The following GPBP1 variants were observed in gnomAD, a reference collection of about 807,000 sequenced individuals.
The protein encoded by GPBP1 is vasculin.
GPBP1 carries 13 observed loss-of-function variants against 56.5 expected under a neutral mutation model. The observed-to-expected ratio is 0.23, with a 90% CI of 0.15 to 0.37. GPBP1 has a LOEUF of 0.37. Among genes scored for constraint, GPBP1 ranks in the 10% least tolerant of loss-of-function variants. The probability of loss-of-function intolerance (pLI) is 1.00; values close to 1 mark genes in which losing one functional copy is unlikely to be tolerated. For synonymous variants in GPBP1, 204 were observed against 188.9 expected (o/e 1.08, Z -0.66); for missense variants, 477 against 572.3 (o/e 0.83, Z 1.70).
intron 3 of GPBP1, among the ~76,000 whole-genome samples, chr5:57,225,102 A>G (rs777413302): frequency 2.6e-5 from 4 of 152,182 alleles, no homozygotes; most frequent in Non-Finnish European, 5.9e-5. Context: ...AAAGACTGAC[A>G]TATAGCCAGC....
intron 2 of GPBP1, among the ~76,000 whole-genome samples, chr5:57,186,072 T>C (rs1754273368): frequency 6.6e-6 from 1 of 152,204 alleles, no homozygotes; most frequent in African/African-American, 2.4e-5. Flanking sequence ...TTCATTTTCT[T>C]GATACAGTGT....
intron 2 of GPBP1, among the ~76,000 whole-genome samples, chr5:57,196,119 T>C (rs1001976836): frequency 1.3e-5 from 2 of 152,074 alleles, no homozygotes; most frequent in African/African-American, 4.8e-5. Flanking sequence ...CAGTGTTTTC[T>C]ATCTCTGCCT....
chr5:57,223,978 C>T (rs935493438), intron 3 of GPBP1, among the ~76,000 whole-genome samples: 4 of 151,536 alleles, frequency 2.6e-5, no homozygotes, highest in South Asian at 2.1e-4. Context: ...GGACTATAGG[C>T]GCCCGCCACC....
chr5:57,241,422 T>C (rs1310509582), intron 6 of GPBP1, among the ~76,000 whole-genome samples: 1 of 152,136 alleles, frequency 6.6e-6, no homozygotes, highest in East Asian at 1.9e-4. Flanking sequence ...AAGTGATATT[T>C]AATATTTAAA....
chr5:57,177,292 T>C (rs1162352110), intron 2 of GPBP1, among the ~76,000 whole-genome samples: 2 of 152,182 alleles, frequency 1.3e-5, no homozygotes, highest in South Asian at 2.1e-4. Flanking sequence ...TTACCGTTAG[T>C]TACTACATTT....
At chr5:57,187,004 GT>G (rs1754318123) in intron 2 of GPBP1, among the ~76,000 whole-genome samples, 3 of 17,670 alleles carry the variant, frequency 1.7e-4, no homozygotes, top group Admixed American at 1.7e-3. Flanking sequence ...ACTCAGAGAA[GT>G]GTGTGTGTGT....
intron 3 of GPBP1, among the ~76,000 whole-genome samples, chr5:57,217,264 C>G (rs1484948789): frequency 6.6e-6 from 1 of 152,084 alleles, no homozygotes; most frequent in East Asian, 1.9e-4. Context: ...CCAGCATGAT[C>G]TAGTGTGTAA....
intron 10 of GPBP1, among the ~76,000 whole-genome samples, chr5:57,259,239 A>G (rs993789199): frequency 2.6e-5 from 4 of 152,252 alleles, no homozygotes; most frequent in Non-Finnish European, 4.4e-5. Flanking sequence ...CCATCAAGTA[A>G]GCAAGTTATT....
intron 1 of GPBP1, among the ~76,000 whole-genome samples, chr5:57,174,449 G>A (rs1222901523): frequency 1.3e-5 from 2 of 152,038 alleles, no homozygotes; most frequent in African/African-American, 2.4e-5. Flanking sequence ...GGGGTGGGTG[G>A]TTTAGCCCCG....
At chr5:57,237,029 G>C in intron 6 of GPBP1, 1 of 632,424 alleles carries the variant, frequency 1.6e-6, no homozygotes, top group Non-Finnish European at 2.6e-6. Context: ...TGGGGGTGGG[G>C]GTGGTCAGAC....
Position 57,235,978 on chromosome 5 carries a change from C to G in GPBP1, c.424C>G (p.Pro142Ala), listed in dbSNP as rs1199453013. 6.2e-7 allele frequency: 1 copy of G among 1,609,760 alleles called. No individual in the cohort carries two copies. The highest frequency in any genetic ancestry group is 8.5e-7 in the Non-Finnish European group (1 of 1,176,752). ...AACTTTCTTCCAGCCGTCTTTAAAT[C>G]CTGAGTATGAGAGAGAACCAAATCA... ...FEAEDFPSLN[P>A]EYEREPNHNK... The change falls in exon 6 of 12, where the codon CCT becomes GCT. Residue 142 changes from proline to alanine, a missense_variant. Pro to Ala is a conservative substitution (Grantham distance 27). Coordinates refer to ENST00000506184, the MANE Select transcript of GPBP1 (RefSeq NM_022913.4).
chr5:57,202,429 T>G (rs192946932), intron 2 of GPBP1, among the ~76,000 whole-genome samples: 15 of 151,958 alleles, frequency 9.9e-5, no homozygotes, highest in African/African-American at 3.4e-4. Context: ...GCTGGAATTA[T>G]AGGCGCATGC....
chr5:57,184,541 G>C (rs1754202733), intron 2 of GPBP1, among the ~76,000 whole-genome samples: 1 of 152,102 alleles, frequency 6.6e-6, no homozygotes, highest in Non-Finnish European at 1.5e-5. Flanking sequence ...CTATCAGCAA[G>C]AACTCATCAC....
intron 2 of GPBP1, among the ~76,000 whole-genome samples, chr5:57,190,464 A>G (rs538534241): frequency 1.3e-5 from 2 of 151,860 alleles, no homozygotes; most frequent in African/African-American, 4.8e-5. Context: ...ACGCACCTGT[A>G]ATCTCAATTA....
intron 2 of GPBP1, among the ~76,000 whole-genome samples, chr5:57,180,578 G>C (rs764230605): frequency 6.6e-6 from 1 of 152,174 alleles, no homozygotes; most frequent in Non-Finnish European, 1.5e-5. Flanking sequence ...ATGGCTGAGG[G>C]TTTGGAAGGG....
intron 3 of GPBP1, among the ~76,000 whole-genome samples, chr5:57,221,732 G>C (rs1195287875): frequency 6.6e-6 from 1 of 152,180 alleles, no homozygotes; most frequent in Non-Finnish European, 1.5e-5. Context: ...GTGTTAAAAA[G>C]ATTAGTATTA....
chr5:57,254,967 G>T (rs1741586282), intron 10 of GPBP1, among the ~76,000 whole-genome samples: 1 of 152,136 alleles, frequency 6.6e-6, no homozygotes. Context: ...TGACTAACAG[G>T]CTTGAGTGAT....
intron 10 of GPBP1, among the ~76,000 whole-genome samples, chr5:57,257,945 C>T (rs1741737604): frequency 6.6e-6 from 1 of 152,094 alleles, no homozygotes; most frequent in Non-Finnish European, 1.5e-5. Context: ...AGTTAAAGAT[C>T]ATATTGAAAA....
At chr5:57,220,972 C>T (rs1755936027) in intron 3 of GPBP1, among the ~76,000 whole-genome samples, 1 of 152,036 alleles carries the variant, frequency 6.6e-6, no homozygotes, top group African/African-American at 2.4e-5. Flanking sequence ...TAATATTGTT[C>T]TGAGTAATTG....
Sources: gnomAD v4.1 joint callset for allele counts (sites outside exome capture counted in the v4.1 genomes callset) on GRCh38, gnomAD v4.1.1 for gene constraint, MANE v1.5 for transcripts, NCBI Gene and HGNC (gene_info 2026-07-23, HGNC 2026-07-21) for gene names.